Variants in ENTPD5 observed in about 807,000 individuals in gnomAD.
The protein encoded by ENTPD5 is nucleoside diphosphate phosphatase ENTPD5.
A neutral mutation model predicts 60.2 loss-of-function variants in ENTPD5; 49 were observed. The ratio of observed to expected loss-of-function variants is 0.81; its 90% CI spans 0.65 to 1.03. The LOEUF (loss-of-function observed/expected upper bound fraction) is 1.03. Ranked by LOEUF, ENTPD5 falls within the 50% of genes least tolerant of loss-of-function variation. The pLI is 0.00. For missense variants in ENTPD5, 480 were observed against 507.6 expected (o/e 0.95, Z 0.52); for synonymous variants, 187 against 185.4 (o/e 1.01, Z -0.07).
downstream of ENTPD5, chr14:73,958,827 A>G (rs1798159533): frequency 6.5e-7 from 1 of 1,535,564 alleles, no homozygotes. Flanking sequence ...CTCCACCTCT[A>G]GGGGCTGTGA....
chr14:74,004,358 G>A (rs770788236), intron 3 of ENTPD5, among the ~76,000 whole-genome samples: 2 of 152,020 alleles, frequency 1.3e-5, no homozygotes, highest in Non-Finnish European at 2.9e-5. Flanking sequence ...AGTAGAGACG[G>A]GGTTTCGCCA....
Position 73,986,860 on chromosome 14 carries a change from T to C in ENTPD5, c.251A>G (p.Asp84Gly). The C allele has an allele frequency of 5.0e-6, 8 of 1,614,078 alleles. No individual in the cohort carries two copies. Among genetic ancestry groups the C allele is most frequent in the Non-Finnish European group, 6.8e-6 (8 of 1,179,976 alleles). The change falls in exon 5 of 16, where the codon GAT becomes GGT. Residue 84 changes from aspartate to glycine, a missense_variant. Physicochemically the swap from Asp to Gly is moderately conservative, Grantham distance 94. Transcript: ENST00000334696. The part of the protein sequence containing the change: ...QLPILEGEVF[D>G]SVKPGLSAFV... ...AGCAGAAAGTCCTGGCTTCACAGAATCAAAAACTTCCCCTTCTAGAATTGG... is the reference window on the plus strand; with the variant it reads ...AGCAGAAAGTCCTGGCTTCACAGAACCAAAAACTTCCCCTTCTAGAATTGG...
intron 3 of ENTPD5, among the ~76,000 whole-genome samples, chr14:73,992,952 G>C (rs938052135): frequency 6.6e-6 from 1 of 152,176 alleles, no homozygotes; most frequent in Non-Finnish European, 1.5e-5. Context: ...GCAGTGAGCT[G>C]AGACTGTGTC....
chr14:73,967,283 T>G (rs527371465), intron 15 of ENTPD5, among the ~76,000 whole-genome samples: 2 of 152,212 alleles, frequency 1.3e-5, no homozygotes, highest in Non-Finnish European at 2.9e-5. Context: ...TCTAGAGAGA[T>G]AGTTTAGACA....
chr14:73,990,375 C>A (rs995969430), intron 3 of ENTPD5, among the ~76,000 whole-genome samples: 1 of 131,190 alleles, frequency 7.6e-6, no homozygotes, highest in Admixed American at 7.8e-5. Context: ...CACTCTGTCA[C>A]CCCGGCTGGA....
chr14:73,997,358 T>C (rs2058370523), intron 3 of ENTPD5, among the ~76,000 whole-genome samples: 1 of 152,104 alleles, frequency 6.6e-6, no homozygotes, highest in African/African-American at 2.4e-5. Flanking sequence ...TCATTATTGA[T>C]TGACTTGGAT....
intron 6 of ENTPD5, 57 bp from the exon 7 acceptor site, chr14:73,977,431 CCA>C: frequency 7.6e-7 from 1 of 1,322,084 alleles, no homozygotes; most frequent in Non-Finnish European, 1.1e-6. Flanking sequence ...AAATAGATTT[CCA>C]TATTTTGACA....
At chr14:73,991,905 AG>A (rs2058150708) in intron 3 of ENTPD5, among the ~76,000 whole-genome samples, 2 of 151,650 alleles carry the variant, frequency 1.3e-5, no homozygotes, top group South Asian at 4.1e-4. Context: ...AGCCTGAGGC[AG>A]GAGAATCACT....
chr14:73,995,367 C>T (rs1057140053), intron 3 of ENTPD5, among the ~76,000 whole-genome samples: 11 of 151,950 alleles, frequency 7.2e-5, no homozygotes, highest in African/African-American at 2.7e-4. Flanking sequence ...GAATTTTTAT[C>T]TGTTTTGTTT....
Position 73,988,080 on chromosome 14 carries a change from A to C in ENTPD5, c.23T>G (p.Val8Gly). Residue 8 changes from valine to glycine, a missense_variant, in exon 4 of 16, where the codon GTC becomes GGC. Coordinates refer to ENST00000334696, the MANE Select transcript of ENTPD5 (RefSeq NM_001249.5). The part of the protein sequence containing the change: MATSWGT[V>G]FFMLVVSCVC... ...ACAGGATACCACCAGCATGAAAAAG[A>C]CTGTGCCCCAAGAAGTGGCCATTCT... 4 of 1,612,198 alleles carry C rather than the reference A, an allele frequency of 2.5e-6. No individual in the cohort carries two copies. The highest frequency in any genetic ancestry group is 3.4e-6 in the Non-Finnish European group (4 of 1,179,586).
At chr14:74,016,912 C>T (rs73303116) in intron 1 of ENTPD5, among the ~76,000 whole-genome samples, 11,672 of 152,244 alleles carry the variant, frequency 0.077, 610 homozygotes, top group South Asian at 0.26. Context: ...CTTACACATA[C>T]AAAATTAATG....
chr14:73,979,883 T>C (rs2057604632), intron 6 of ENTPD5, among the ~76,000 whole-genome samples: 1 of 152,030 alleles, frequency 6.6e-6, no homozygotes, highest in South Asian at 2.1e-4. Flanking sequence ...AAGTCCTCTG[T>C]ACTGACAGTC....
downstream of ENTPD5, among the ~76,000 whole-genome samples, chr14:73,957,298 C>T (rs558035209): frequency 1.9e-3 from 286 of 151,940 alleles, no homozygotes; most frequent in Non-Finnish European, 3.8e-3. Flanking sequence ...GGGGTTTCAC[C>T]GTGGTCTCAA....
At chr14:74,016,305 A>G (rs1263554766) in intron 1 of ENTPD5, among the ~76,000 whole-genome samples, 1 of 152,186 alleles carries the variant, frequency 6.6e-6, no homozygotes, top group Non-Finnish European at 1.5e-5. Context: ...TTTATCTACA[A>G]AATCAAACTT....
intron 3 of ENTPD5, among the ~76,000 whole-genome samples, chr14:74,004,738 C>G (rs1356876268): frequency 6.6e-6 from 1 of 152,090 alleles, no homozygotes; most frequent in African/African-American, 2.4e-5. Flanking sequence ...TCCTCCAGAG[C>G]AGTCAATCCA....
At chr14:73,961,672 T>G, downstream of ENTPD5, 1 of 1,609,922 alleles carries the variant, frequency 6.2e-7, no homozygotes, top group South Asian at 1.1e-5. Context: ...TATATCTGGC[T>G]TGCTAGGAGA....
chr14:73,985,937 T>TACTC (rs1212951605), intron 5 of ENTPD5, among the ~76,000 whole-genome samples: 4 of 151,854 alleles, frequency 2.6e-5, no homozygotes, highest in Non-Finnish European at 1.5e-5. Flanking sequence ...CCGGGCATGG[T>TACTC]GGCACATGCC....
At chr14:73,960,753 AAC>A (rs2056680826), downstream of ENTPD5, 1 of 436,216 alleles carries the variant, frequency 2.3e-6, no homozygotes, top group Non-Finnish European at 3.8e-6. Context: ...ACAGGGGGGA[AAC>A]ACAGAGAAAG....
intron 5 of ENTPD5, among the ~76,000 whole-genome samples, chr14:73,984,992 T>C (rs1373315027): frequency 6.6e-6 from 1 of 152,204 alleles, no homozygotes; most frequent in African/African-American, 2.4e-5. Context: ...CATGCGGTGT[T>C]TGGTTTTCTG....
Sources: allele counts gnomAD v4.1 joint callset (sites outside exome capture counted in the v4.1 genomes callset), GRCh38; gene constraint gnomAD v4.1.1; transcripts MANE v1.5; gene names NCBI Gene and HGNC (gene_info 2026-07-23, HGNC 2026-07-21).